Variants in PCDHA11 observed in about 807,000 individuals in gnomAD.
The protein encoded by PCDHA11 is protocadherin alpha 11, also known as protocadherin alpha-11.
Under a neutral mutation model 70.3 loss-of-function variants are expected in PCDHA11, and 61 were observed. That is an observed-to-expected ratio of 0.87 (90% CI 0.71 to 1.07). PCDHA11 has a LOEUF of 1.07. PCDHA11 is among the 50% of genes least tolerant of loss of function. The pLI is 0.00. For synonymous variants in PCDHA11, 633 were observed against 555.1 expected (o/e 1.14, Z -1.97); for missense variants, 1,324 against 1,237.5 (o/e 1.07, Z -1.05).
intron 1 of PCDHA11, among the ~76,000 whole-genome samples, chr5:140,947,645 A>AT (rs2094157342): frequency 6.6e-6 from 1 of 151,670 alleles, no homozygotes; most frequent in East Asian, 1.9e-4. Context: ...GTATGAACAT[A>AT]TATACCTCCA....
intron 1 of PCDHA11, chr5:140,927,861 C>T (rs782305822): frequency 1.2e-6 from 2 of 1,614,042 alleles, no homozygotes; most frequent in East Asian, 2.2e-5. Context: ...TAGCTAGCAC[C>T]GCTAAACTGC....
chr5:140,871,644 C>A, intron 1 of PCDHA11, 150 bp downstream of exon 1: 2 of 1,286,330 alleles, frequency 1.6e-6, no homozygotes, highest in Non-Finnish European at 2.1e-6. Flanking sequence ...CATAAAATAC[C>A]AAATGATACA....
At chr5:140,902,085 GT>G (rs1225919893) in intron 1 of PCDHA11, among the ~76,000 whole-genome samples, 1 of 151,518 alleles carries the variant, frequency 6.6e-6, no homozygotes, top group African/African-American at 2.4e-5. Context: ...TGTTTTAATA[GT>G]TTTTTGGAGT....
intron 1 of PCDHA11, chr5:140,883,392 C>T (rs1554178015): frequency 1.9e-6 from 3 of 1,614,184 alleles, no homozygotes; most frequent in South Asian, 2.2e-5. Flanking sequence ...ATCAGTGTGT[C>T]CGATCGTGAC....
chr5:140,921,364 T>G (rs2080173595), intron 1 of PCDHA11, among the ~76,000 whole-genome samples: 1 of 152,196 alleles, frequency 6.6e-6, no homozygotes, highest in Non-Finnish European at 1.5e-5. Flanking sequence ...TATTCAAGTT[T>G]CATATTTCTA....
chr5:140,987,407 T>C (rs1301920693), intron 3 of PCDHA11, among the ~76,000 whole-genome samples: 3 of 152,148 alleles, frequency 2.0e-5, no homozygotes, highest in Non-Finnish European at 4.4e-5. Flanking sequence ...CATCTGTTTA[T>C]GGTTCTTGTG....
intron 3 of PCDHA11, among the ~76,000 whole-genome samples, chr5:140,989,984 C>T (rs907486922): frequency 3.3e-5 from 5 of 152,032 alleles, no homozygotes; most frequent in African/African-American, 1.2e-4. Context: ...ACAGCCCTGC[C>T]TGAAATTGTC....
chr5:140,994,149 G>A (rs1299780463), intron 3 of PCDHA11, among the ~76,000 whole-genome samples: 2 of 152,174 alleles, frequency 1.3e-5, no homozygotes, highest in Non-Finnish European at 2.9e-5. Context: ...TACGTAGGTA[G>A]GGTCAACGAA....
At chr5:140,877,259 C>G in intron 1 of PCDHA11, 1 of 1,613,752 alleles carries the variant, frequency 6.2e-7, no homozygotes, top group Non-Finnish European at 8.5e-7. Flanking sequence ...AAAGTGCGCG[C>G]GGTGGACGCT....
chr5:140,987,277 A>C (rs1326809190), intron 3 of PCDHA11, among the ~76,000 whole-genome samples: 2 of 152,122 alleles, frequency 1.3e-5, no homozygotes, highest in African/African-American at 4.8e-5. Flanking sequence ...CCGGCAGTCT[A>C]TGTTTTAACA....
In PCDHA11 at chr5:141,010,555, C is replaced by CTG; in HGVS notation, c.*618_*619insTG. 2 of 321,156 alleles carry CTG rather than the reference C, an allele frequency of 6.2e-6. No homozygotes were observed. The highest frequency in any genetic ancestry group is 1.1e-4 in the South Asian group (2 of 18,704). 19.9% of individuals were successfully genotyped at this position (321,156 alleles called of 1,614,324 possible). On this transcript the variant is annotated 3_prime_UTR_variant, in exon 4 of 4. Coordinates refer to ENST00000398640, the MANE Select transcript of PCDHA11 (RefSeq NM_018902.5). ...ACCCTCTAGGAGACAAAACTACCCCCACTGACAAGGCTTTAGGAGACCCTA... is the reference window on the plus strand; with the variant it reads ...ACCCTCTAGGAGACAAAACTACCCCCTGACTGACAAGGCTTTAGGAGACCCTA...
At chr5:140,918,186 C>T (rs1177570782) in intron 1 of PCDHA11, among the ~76,000 whole-genome samples, 1 of 151,888 alleles carries the variant, frequency 6.6e-6, no homozygotes, top group Non-Finnish European at 1.5e-5. Flanking sequence ...TTGATTTGGC[C>T]CTCAGCTTGG....
intron 1 of PCDHA11, among the ~76,000 whole-genome samples, chr5:140,956,246 C>T (rs2095270779): frequency 6.6e-6 from 1 of 152,094 alleles, no homozygotes; most frequent in African/African-American, 2.4e-5. Context: ...GGGAATGCTT[C>T]CAGGTTTTGC....
At chr5:140,932,323 C>T (rs1259103502) in intron 1 of PCDHA11, among the ~76,000 whole-genome samples, 1 of 151,814 alleles carries the variant, frequency 6.6e-6, no homozygotes, top group Non-Finnish European at 1.5e-5. Flanking sequence ...ATTAATGTAG[C>T]AAAAATGCAT....
rs139974024 is a variant in PCDHA11 at position 140,967,301 on chromosome 5, G to A, written c.2392-11648G>A. 5.0e-5 allele frequency: 81 copies of A among 1,612,148 alleles called. No homozygotes were observed. In the African/African-American group the frequency reaches 9.1e-4, roughly 18 times the overall value. ...GAGTGCGCAGGACCCCGACGTGGGC[G>A]CCAACTCAGTACAGACCTACGAGCT... On this transcript the variant is annotated intron_variant, in intron 1 of 3. Coordinates refer to ENST00000398640, the MANE Select transcript of PCDHA11 (RefSeq NM_018902.5).
intron 1 of PCDHA11, among the ~76,000 whole-genome samples, chr5:140,948,880 C>G (rs1430288840): frequency 6.6e-6 from 1 of 151,410 alleles, no homozygotes; most frequent in Non-Finnish European, 1.5e-5. Flanking sequence ...TTACTTTGCT[C>G]TCTTTTAGAT....
chr5:140,997,577 T>G (rs2097775398), intron 3 of PCDHA11, among the ~76,000 whole-genome samples: 1 of 152,186 alleles, frequency 6.6e-6, no homozygotes, highest in Admixed American at 6.5e-5. Flanking sequence ...GTGTGGTCCG[T>G]TGTTGACTGA....
rs1015706913 is a variant in PCDHA11, at chr5:140,985,292, T to C, written c.2539+2729T>C. 2.0e-5 allele frequency among the ~76,000 whole-genome samples: 3 copies of C among 152,294 alleles called. No homozygotes were observed. The East Asian group carries it at 5.8e-4, about 29-fold the overall frequency. ...TACTTTTCTGCAATCTATGATATAG[T>C]GTTGGCTGATAGCCTGGTGGCCAGA... On this transcript the variant is annotated intron_variant, in intron 3 of 3. Transcript: ENST00000398640.
At chr5:140,932,287 T>C (rs1259585245) in intron 1 of PCDHA11, among the ~76,000 whole-genome samples, 2 of 151,896 alleles carry the variant, frequency 1.3e-5, no homozygotes, top group Admixed American at 6.6e-5. Context: ...AAAAACTGCA[T>C]TGACAATTTT....
Sources: allele counts gnomAD v4.1 joint callset (sites outside exome capture counted in the v4.1 genomes callset), GRCh38; gene constraint gnomAD v4.1.1; transcripts MANE v1.5; gene names NCBI Gene and HGNC (gene_info 2026-07-23, HGNC 2026-07-21).